The following STIM2 variants were observed in gnomAD, a reference collection of about 807,000 sequenced individuals.
STIM2 encodes the protein stromal interaction molecule 2.
STIM2 carries 31 observed loss-of-function variants against 85.8 expected under a neutral mutation model. The ratio of observed to expected loss-of-function variants is 0.36; its 90% CI spans 0.27 to 0.49. The LOEUF is 0.49. Among genes scored for constraint, STIM2 ranks in the 20% least tolerant of loss-of-function variants. The pLI, the probability that STIM2 is intolerant of heterozygous loss-of-function variation, is 0.98. For synonymous variants in STIM2, 356 were observed against 331.1 expected (o/e 1.08, Z -0.82); for missense variants, 841 against 927.6 (o/e 0.91, Z 1.21).
chr4:27,015,853 G>T (rs867327544), intron 10 of STIM2, among the ~76,000 whole-genome samples: 16 of 140,764 alleles, frequency 1.1e-4, no homozygotes, highest in Non-Finnish European at 1.2e-4. Context: ...TCTTTTATCA[G>T]TTCTGAAAAA....
At chr4:26,884,613 A>G (rs1723141537) in intron 1 of STIM2, among the ~76,000 whole-genome samples, 1 of 152,220 alleles carries the variant, frequency 6.6e-6, no homozygotes, top group East Asian at 1.9e-4. Context: ...TGTACAAGCT[A>G]TTTTAAGAAG....
chr4:27,006,001 T>C (rs1370720135), intron 7 of STIM2, among the ~76,000 whole-genome samples: 5 of 152,216 alleles, frequency 3.3e-5, no homozygotes, highest in African/African-American at 1.2e-4. Context: ...TGTGGTGTTA[T>C]GCAGGTCTGC....
In STIM2 at chr4:26,889,396, A is replaced by C. The variant is rs186251502; in HGVS notation, c.151+28027A>C. Among the ~76,000 whole-genome samples the C allele has an allele frequency of 2.0e-5, 3 of 152,328 alleles. No homozygotes were observed. The East Asian group carries it at 5.8e-4, about 29-fold the overall frequency. ...TCCACTGTTACACTTCATGTGCTGT[A>C]AAGTGTGTTCCTTGATCAGAAGCAA... On this transcript the variant is annotated intron_variant, in intron 1 of 11. Transcript: ENST00000467087.
At chr4:26,932,979 G>T (rs1300071108) in intron 2 of STIM2, among the ~76,000 whole-genome samples, 1 of 152,190 alleles carries the variant, frequency 6.6e-6, no homozygotes, top group African/African-American at 2.4e-5. Flanking sequence ...GAGACTAGAA[G>T]TGAGAAAAGA....
intron 1 of STIM2, among the ~76,000 whole-genome samples, chr4:26,894,272 G>A (rs7681462): frequency 0.29 from 44,218 of 151,432 alleles, 6,676 homozygotes; most frequent in East Asian, 0.42. Flanking sequence ...ACTTATGTGT[G>A]TATATATATA....
At chr4:26,932,855 C>CTA (rs1428313754) in intron 2 of STIM2, among the ~76,000 whole-genome samples, 6 of 152,154 alleles carry the variant, frequency 3.9e-5, no homozygotes, top group Admixed American at 2.6e-4. Context: ...AGACAGTGTG[C>CTA]TAGATGTTGG....
chr4:26,986,443 GTT>G lies in STIM2; in HGVS notation c.398-8933_398-8932del, dbSNP rs569619933. Among the ~76,000 whole-genome samples the G allele has an allele frequency of 3.5e-3, 539 of 152,260 alleles. 2 individuals are homozygous for G. The highest frequency in any genetic ancestry group is 0.013 in the African/African-American group (520 of 41,544). On this transcript the variant is annotated intron_variant, in intron 3 of 11. Coordinates refer to ENST00000467087, the MANE Select transcript of STIM2 (RefSeq NM_020860.4). ...TTATATGGTAGTACTTCACTAGGCT[GTT>G]TTGTATTTTTAGGCTTGTAACTTAA...
intron 3 of STIM2, among the ~76,000 whole-genome samples, chr4:26,962,588 GTGTGTGTGTGTGTATGTGTGTC>G (rs1448412143): frequency 7.4e-6 from 1 of 134,732 alleles, no homozygotes; most frequent in East Asian, 2.3e-4. Context: ...GTGTGTGTGT[GTGTGTGTGTGTGTATGTGTGTC>G]TGTGTCTGTG....
chr4:26,974,012 T>C (rs1577472848), intron 3 of STIM2, among the ~76,000 whole-genome samples: 1 of 152,046 alleles, frequency 6.6e-6, no homozygotes, highest in Non-Finnish European at 1.5e-5. Flanking sequence ...TTCTTTTGAT[T>C]TTTCTTGGTT....
intron 3 of STIM2, among the ~76,000 whole-genome samples, chr4:26,990,319 C>T (rs1363274998): frequency 1.3e-5 from 2 of 152,058 alleles, no homozygotes; most frequent in Non-Finnish European, 2.9e-5. Flanking sequence ...TTAGCCAACT[C>T]ATTTTCAACA....
At chr4:27,007,908 G>A in intron 8 of STIM2, 1 of 720,452 alleles carries the variant, frequency 1.4e-6, no homozygotes, top group South Asian at 1.6e-5. Flanking sequence ...ACTTTTCAAA[G>A]TGACCTTAGT....
intron 3 of STIM2, among the ~76,000 whole-genome samples, chr4:26,988,420 T>C (rs2109119582): frequency 6.6e-6 from 1 of 152,214 alleles, no homozygotes; most frequent in East Asian, 1.9e-4. Flanking sequence ...GGAAAAACAT[T>C]CCATATTGAA....
At chr4:26,957,890 A>G (rs1343099690) in intron 3 of STIM2, among the ~76,000 whole-genome samples, 164 bp downstream of exon 3, 2 of 152,156 alleles carry the variant, frequency 1.3e-5, no homozygotes, top group Non-Finnish European at 2.9e-5. Context: ...TTTTTGATAG[A>G]TGATTTTTAT....
At chr4:26,910,533 AAAACAAAAAAC>A (rs923403317) in intron 1 of STIM2, among the ~76,000 whole-genome samples, 3 of 152,116 alleles carry the variant, frequency 2.0e-5, no homozygotes, top group African/African-American at 7.2e-5. Context: ...AAAAAACAAA[AAAACAAAAAAC>A]AAACAAAAAG....
chr4:26,997,156 G>T (rs1013583640), intron 4 of STIM2, among the ~76,000 whole-genome samples: 1 of 152,026 alleles, frequency 6.6e-6, no homozygotes. Flanking sequence ...ACTTAAAGGG[G>T]CAATATCAAT....
At chr4:26,992,756 T>TA (rs1336963569) in intron 3 of STIM2, among the ~76,000 whole-genome samples, 2 of 152,016 alleles carry the variant, frequency 1.3e-5, no homozygotes, top group Admixed American at 6.6e-5. Flanking sequence ...AGAATGCTAA[T>TA]AAAAAATGCA....
intron 1 of STIM2, among the ~76,000 whole-genome samples, chr4:26,898,979 G>A (rs1201868598): frequency 6.6e-6 from 1 of 151,132 alleles, no homozygotes; most frequent in Non-Finnish European, 1.5e-5. Flanking sequence ...TTATACCTTG[G>A]ATTTCTTTTT....
At chr4:26,892,052 G>C (rs1723511076) in intron 1 of STIM2, among the ~76,000 whole-genome samples, 1 of 152,174 alleles carries the variant, frequency 6.6e-6, no homozygotes, top group Non-Finnish European at 1.5e-5. Flanking sequence ...CACAAGCTCT[G>C]TCTGCCGCTA....
chr4:26,867,371 G>T (rs1211118944), intron 1 of STIM2, among the ~76,000 whole-genome samples: 1 of 152,138 alleles, frequency 6.6e-6, no homozygotes, highest in Non-Finnish European at 1.5e-5. Context: ...TCGGGCTTAT[G>T]TGATGATTTA....
Sources: allele counts gnomAD v4.1 joint callset (sites outside exome capture counted in the v4.1 genomes callset), GRCh38; gene constraint gnomAD v4.1.1; transcripts MANE v1.5; gene names NCBI Gene and HGNC (gene_info 2026-07-23, HGNC 2026-07-21).